Variants in CDH13 observed in about 807,000 individuals in gnomAD.
The protein encoded by CDH13 is cadherin-13.
A neutral mutation model predicts 63.8 loss-of-function variants in CDH13; 24 were observed. The ratio of observed to expected loss-of-function variants is 0.38; its 90% confidence interval spans 0.27 to 0.53. The LOEUF is 0.53. Among genes scored for constraint, CDH13 ranks in the 20% least tolerant of loss-of-function variants. CDH13 has a pLI of 0.85. For missense variants in CDH13, 1,049 were observed against 903.1 expected (o/e 1.16, Z -2.07); for synonymous variants, 503 against 355.3 (o/e 1.42, Z -4.67).
intron 7 of CDH13, among the ~76,000 whole-genome samples, chr16:83,492,200 A>T (rs564650893): frequency 1.3e-5 from 1 of 76,986 alleles, no homozygotes; most frequent in South Asian, 7.8e-4. Context: ...GCCAGAAAAG[A>T]ACAATGGTAA....
intron 5 of CDH13, 64 bp from the exon 6 acceptor site, chr16:83,344,798 C>A: frequency 2.5e-6 from 4 of 1,572,714 alleles, no homozygotes; most frequent in Non-Finnish European, 1.7e-6. Flanking sequence ...CTCTAGAGAA[C>A]CTTATTTGAA....
At chr16:82,879,496 A>G (rs909439037) in intron 2 of CDH13, among the ~76,000 whole-genome samples, 1 of 144,580 alleles carries the variant, frequency 6.9e-6, no homozygotes, top group Non-Finnish European at 1.5e-5. Context: ...ATTTAATTAA[A>G]TATATTTAAT....
chr16:83,337,353 T>C (rs979165451), intron 5 of CDH13, among the ~76,000 whole-genome samples: 1 of 152,248 alleles, frequency 6.6e-6, no homozygotes, highest in Middle Eastern at 3.4e-3. Context: ...CCCTTCTGGC[T>C]CCTGTGGTTT....
intron 1 of CDH13, among the ~76,000 whole-genome samples, chr16:82,721,307 T>C (rs779498743): frequency 2.0e-5 from 3 of 152,120 alleles, no homozygotes; most frequent in Non-Finnish European, 4.4e-5. Flanking sequence ...TTTACACACA[T>C]GATGTGCTGA....
chr16:83,724,921 A>C (rs1189475366), intron 10 of CDH13, among the ~76,000 whole-genome samples: 1 of 152,008 alleles, frequency 6.6e-6, no homozygotes, highest in East Asian at 1.9e-4. Context: ...TACCCCTGGG[A>C]CTCCCTTATT....
chr16:83,078,568 G>T (rs1047638293), intron 3 of CDH13, among the ~76,000 whole-genome samples: 1 of 152,178 alleles, frequency 6.6e-6, no homozygotes, highest in East Asian at 1.9e-4. Flanking sequence ...CCTGCTGTCC[G>T]GCCAGGTTCC....
intron 1 of CDH13, 79 bp from the exon 2 acceptor site, chr16:82,858,283 A>G (rs561188830): frequency 2.3e-6 from 2 of 851,856 alleles, no homozygotes; most frequent in Middle Eastern, 2.3e-4. Flanking sequence ...CTTGTTTCTA[A>G]AAGTTGCGGA....
chr16:83,524,679 C>G (rs1323474973), intron 7 of CDH13, among the ~76,000 whole-genome samples: 4 of 152,004 alleles, frequency 2.6e-5, no homozygotes. Flanking sequence ...GTCTCGATCT[C>G]CTGACCTGGT....
At chr16:83,741,019 T>C (rs1461687369) in intron 10 of CDH13, among the ~76,000 whole-genome samples, 1 of 152,174 alleles carries the variant, frequency 6.6e-6, no homozygotes, top group African/African-American at 2.4e-5. Context: ...ACCATGGCAG[T>C]CCTTTCTGTT....
intron 1 of CDH13, among the ~76,000 whole-genome samples, chr16:82,857,877 T>C (rs191827321): frequency 6.6e-5 from 10 of 152,318 alleles, no homozygotes; most frequent in South Asian, 2.1e-4. Context: ...TAGCCACCGG[T>C]GGTTCATGGT....
chr16:82,633,712 A>G (rs77166722), intron 1 of CDH13, among the ~76,000 whole-genome samples: 6,097 of 152,248 alleles, frequency 0.04, 186 homozygotes, highest in Non-Finnish European at 0.061. Context: ...GTCACATCCT[A>G]GCACCGTCCT....
At chr16:82,953,435 T>A (rs1905584131) in intron 2 of CDH13, 1 of 152,192 alleles carries the variant, frequency 6.6e-6, no homozygotes, top group Non-Finnish European at 1.5e-5. Context: ...TGCAAGCTAT[T>A]TTAAATATTT....
chr16:82,799,803 C>G (rs1333772368), intron 1 of CDH13, among the ~76,000 whole-genome samples: 1 of 152,188 alleles, frequency 6.6e-6, no homozygotes, highest in Non-Finnish European at 1.5e-5. Context: ...GGAGACTACA[C>G]AAAGTGTAGA....
At chr16:82,808,256 CT>C (rs1567556108) in intron 1 of CDH13, among the ~76,000 whole-genome samples, 2 of 152,098 alleles carry the variant, frequency 1.3e-5, no homozygotes, top group African/African-American at 4.8e-5. Context: ...AAATGATTTG[CT>C]TTTGTTCTCT....
intron 1 of CDH13, among the ~76,000 whole-genome samples, chr16:82,846,736 T>G (rs1462051): frequency 0.64 from 97,954 of 152,020 alleles, 32,173 homozygotes; most frequent in East Asian, 0.87. Context: ...TTATTCATTT[T>G]TCCATCTCTA....
At chr16:82,839,524 C>G (rs541996111) in intron 1 of CDH13, among the ~76,000 whole-genome samples, 1 of 152,204 alleles carries the variant, frequency 6.6e-6, no homozygotes, top group Non-Finnish European at 1.5e-5. Context: ...GAGGATTAAT[C>G]TCCCTAACTG....
intron 1 of CDH13, among the ~76,000 whole-genome samples, chr16:82,778,747 G>C (rs993226080): frequency 6.6e-6 from 1 of 151,960 alleles, no homozygotes; most frequent in Non-Finnish European, 1.5e-5. Flanking sequence ...ATGAACAACA[G>C]CTTTAAAGCA....
chr16:82,871,637 GACTGTAATCA>G (rs1464256148), intron 2 of CDH13, among the ~76,000 whole-genome samples: 1 of 146,110 alleles, frequency 6.8e-6, no homozygotes, highest in Admixed American at 6.7e-5. Context: ...GGGCTGTTTT[GACTGTAATCA>G]ACAGTAACAC....
intron 1 of CDH13, among the ~76,000 whole-genome samples, chr16:82,643,201 T>C (rs7196725): frequency 0.095 from 14,485 of 152,252 alleles, 811 homozygotes; most frequent in South Asian, 0.14. Context: ...GGCTAAGCTT[T>C]ATAGTATGTT....
Sources: gnomAD v4.1 joint callset for allele counts (sites outside exome capture counted in the v4.1 genomes callset) on GRCh38, gnomAD v4.1.1 for gene constraint, MANE v1.5 for transcripts, NCBI Gene and HGNC (gene_info 2026-07-23, HGNC 2026-07-21) for gene names.